Variants in PEBP4 observed in about 807,000 individuals in gnomAD.
The protein encoded by PEBP4 is phosphatidylethanolamine-binding protein 4.
PEBP4 carries 22 observed loss-of-function variants against 23.9 expected under a neutral mutation model. The ratio of observed to expected loss-of-function variants is 0.92; its 90% CI spans 0.66 to 1.31. The LOEUF is 1.31. PEBP4 is among the 40% of genes most tolerant of loss of function. The pLI, the probability that PEBP4 is intolerant of heterozygous loss-of-function variation, is 0.00. For synonymous variants in PEBP4, 112 were observed against 99.3 expected, an observed-to-expected ratio of 1.13 and a Z score of -0.76; for missense variants, 324 against 281.7, an observed-to-expected ratio of 1.15 and a Z score of -1.07.
Position 22,778,286 on chromosome 8 carries a change from G to C in PEBP4, c.357+39351C>G, listed in dbSNP as rs137979014. On this transcript the variant is annotated intron_variant, in intron 4 of 6. Coordinates refer to ENST00000256404, the MANE Select transcript of PEBP4 (RefSeq NM_144962.3). The stretch of plus-strand genomic sequence containing the variant: ...CCAAAGTCCCCAACTGCCCCCGGTG[G>C]ACAGATCCATGTGCTTCCATGTGAG... Among the ~76,000 whole-genome samples the C allele has an allele frequency of 1.3e-3, 196 of 152,156 alleles. 1 individual carries two copies. Among genetic ancestry groups the C allele is most frequent in the Non-Finnish European group, 2.2e-3 (153 of 68,014 alleles).
intron 3 of PEBP4, among the ~76,000 whole-genome samples, chr8:22,832,660 T>C (rs1270748313): frequency 6.6e-6 from 1 of 152,188 alleles, no homozygotes; most frequent in African/African-American, 2.4e-5. Flanking sequence ...AAAAGTATCC[T>C]TAGGATGGAA....
chr8:22,724,936 G>T lies in PEBP4; in HGVS notation c.424C>A (p.Pro142Thr). The change falls in exon 6 of 7, where the codon CCG (proline) becomes ACG (threonine). Residue 142 changes from proline (P) to threonine (T), a missense_variant. Physicochemically the swap from Pro to Thr is conservative, Grantham distance 38 (BLOSUM62 -1). Transcript: ENST00000256404. ...TAGCGATGGAAGCCACTGTGTGCCG[G>T]TGGGGAGGGAGCCTGGTAGGCTATA... ...ELSAYQAPSPPAHSGFHRYQF... is the reference protein window; with the variant it reads ...ELSAYQAPSPTAHSGFHRYQF... The T allele has an allele frequency of 1.9e-6, 3 of 1,614,044 alleles. No individual in the cohort carries two copies. The highest frequency in any genetic ancestry group is 2.5e-6 in the Non-Finnish European group (3 of 1,179,950).
At chr8:22,755,312 T>C (rs979416460) in intron 4 of PEBP4, among the ~76,000 whole-genome samples, 1 of 146,736 alleles carries the variant, frequency 6.8e-6, no homozygotes, top group Non-Finnish European at 1.5e-5. Flanking sequence ...AATCGTATAC[T>C]CATTTCTCTC....
At chr8:22,932,950 A>G (rs1809480928) in intron 1 of PEBP4, among the ~76,000 whole-genome samples, 2 of 149,858 alleles carry the variant, frequency 1.3e-5, no homozygotes, top group Admixed American at 6.7e-5. Flanking sequence ...GATTGCAGTG[A>G]GCCAAGATCG....
At chr8:22,812,710 C>T (rs1806657055) in intron 4 of PEBP4, among the ~76,000 whole-genome samples, 1 of 152,084 alleles carries the variant, frequency 6.6e-6, no homozygotes, top group Non-Finnish European at 1.5e-5. Flanking sequence ...ATTGTTTATT[C>T]TGTTTATTAT....
At chr8:22,889,736 C>T (rs552599309) in intron 3 of PEBP4, among the ~76,000 whole-genome samples, 11 of 152,116 alleles carry the variant, frequency 7.2e-5, no homozygotes, top group Non-Finnish European at 1.2e-4. Flanking sequence ...AAATAAAGTT[C>T]CTATCGATTT....
intron 6 of PEBP4, among the ~76,000 whole-genome samples, chr8:22,719,960 A>G (rs1804487326): frequency 6.6e-6 from 1 of 152,164 alleles, no homozygotes; most frequent in African/African-American, 2.4e-5. Flanking sequence ...TGTGTTTGCA[A>G]ATGTGGGGGT....
intron 3 of PEBP4, among the ~76,000 whole-genome samples, chr8:22,875,467 C>T (rs1271492460): frequency 6.6e-6 from 1 of 152,150 alleles, no homozygotes; most frequent in East Asian, 1.9e-4. Flanking sequence ...CTGCTCTTCT[C>T]CCTCCTCCCA....
intron 3 of PEBP4, among the ~76,000 whole-genome samples, chr8:22,900,422 G>A (rs535089907): frequency 6.6e-6 from 1 of 152,140 alleles, no homozygotes; most frequent in East Asian, 1.9e-4. Flanking sequence ...GCTGAGGTGG[G>A]CGGATCACTT....
intron 4 of PEBP4, among the ~76,000 whole-genome samples, chr8:22,797,260 A>T (rs952535773): frequency 2.6e-5 from 4 of 151,502 alleles, no homozygotes; most frequent in African/African-American, 9.7e-5. Context: ...TCTCAAAAAA[A>T]AAAAAAAAAA....
intron 4 of PEBP4, among the ~76,000 whole-genome samples, chr8:22,741,076 G>A (rs766889007): frequency 3.0e-4 from 46 of 152,156 alleles, no homozygotes; most frequent in Admixed American, 1.2e-3. Context: ...TGGTTCTTCC[G>A]TGTTGCCTAT....
chr8:22,802,068 G>T (rs1450044567), intron 4 of PEBP4, among the ~76,000 whole-genome samples: 3 of 152,126 alleles, frequency 2.0e-5, no homozygotes, highest in Admixed American at 2.0e-4. Flanking sequence ...CCTTCCTGCT[G>T]CCCCTCCCCC....
rs555211465 is a variant in PEBP4 at position 22,740,004 on chromosome 8, C to G, written c.358-12784G>C. On this transcript the variant is annotated intron_variant, in intron 4 of 6. Coordinates refer to ENST00000256404, the MANE Select transcript of PEBP4 (RefSeq NM_144962.3). The stretch of plus-strand genomic sequence containing the variant: ...GGAGTCAGATTCCTCGTTCTGTTCT[C>G]TGCTTTGTCTCCCTCCTTTGCCCTA... Among the ~76,000 whole-genome samples the G allele has an allele frequency of 3.9e-5, 6 of 152,282 alleles. 1 individual carries two copies. Among genetic ancestry groups the G allele is most frequent in the African/African-American group, 1.4e-4 (6 of 41,544 alleles).
Position 22,775,885 on chromosome 8 carries a change from G to T in PEBP4, c.357+41752C>A, listed in dbSNP as rs1210063791. On this transcript the variant is annotated intron_variant, in intron 4 of 6. Coordinates refer to ENST00000256404, the MANE Select transcript of PEBP4 (RefSeq NM_144962.3). This position sits in a 1 kb window ranked among gnomAD's most constrained non-coding sequence, Gnocchi z 4.8. ...GCTCTTGGGGGGGTTTCCCGTTCTG[G>T]AGGCGCCGGCAGTGAGCTTCTCTGG... Among the ~76,000 whole-genome samples, 1 of 152,152 alleles carries T rather than the reference G, an allele frequency of 6.6e-6. No homozygotes were observed. The highest frequency in any genetic ancestry group is 2.4e-5 in the African/African-American group (1 of 41,428).
intron 3 of PEBP4, among the ~76,000 whole-genome samples, chr8:22,822,359 G>GTGTGTGTGTGTGTGTGTGTGTGTGTGTA (rs1281144480): frequency 1.5e-4 from 23 of 151,708 alleles, no homozygotes; most frequent in African/African-American, 5.3e-4. Context: ...ACTAAAGTGT[G>GTGTGTGTGTGTGTGTGTGTGTGTGTGTA]TGTGTGTGTG....
rs1156628779 is a variant in PEBP4 at position 22,713,409 on chromosome 8, C to T, written c.645G>A (p.Glu215=). 3.1e-6 allele frequency: 5 copies of T among 1,608,414 alleles called. No individual in the cohort carries two copies. Among genetic ancestry groups the T allele is most frequent in the South Asian group, 1.1e-5 (1 of 90,706 alleles). ...TCTCCGCCTGGTTTTTGTGCTTGGG[C>T]TCGCTGGCCCTTTCTCTGGGAGCCT... ...TLQAPRERAS[E]PKHKNQAEIA... is the part of the protein sequence containing the mutation. Residue 215 remains glutamate, a synonymous_variant, in exon 7 of 7, where the codon GAG becomes GAA. Transcript: ENST00000256404.
chr8:22,787,646 G>A (rs1806053149), intron 4 of PEBP4, among the ~76,000 whole-genome samples: 4 of 152,216 alleles, frequency 2.6e-5, no homozygotes, highest in Non-Finnish European at 4.4e-5. Flanking sequence ...TGGGGGTAAG[G>A]CCAATTCAAC....
chr8:22,826,929 G>A (rs530540663), intron 3 of PEBP4, among the ~76,000 whole-genome samples: 1 of 152,318 alleles, frequency 6.6e-6, no homozygotes, highest in Admixed American at 6.5e-5. Context: ...TAATATTTTG[G>A]AGGTGTATCA....
intron 2 of PEBP4, among the ~76,000 whole-genome samples, chr8:22,923,292 C>A (rs190808035): frequency 2.2e-4 from 33 of 152,060 alleles, no homozygotes; most frequent in Non-Finnish European, 3.8e-4. Flanking sequence ...AAGGGCTGGG[C>A]GTGGTGGCTC....
Sources: gnomAD v4.1 joint callset for allele counts (sites outside exome capture counted in the v4.1 genomes callset) on GRCh38, gnomAD v4.1.1 for gene constraint, Gnocchi (gnomAD v3.1) non-coding constraint, MANE v1.5 for transcripts, NCBI Gene and HGNC (gene_info 2026-07-23, HGNC 2026-07-21) for gene names.